PDE6C: variants seen among roughly 807,000 people sequenced by gnomAD.
PDE6C encodes the protein cone cGMP-specific 3',5'-cyclic phosphodiesterase subunit alpha'.
Under a neutral mutation model 113.1 loss-of-function variants are expected in PDE6C, and 75 were observed. The ratio of observed to expected loss-of-function variants is 0.66; its 90% CI spans 0.55 to 0.80. PDE6C has a LOEUF of 0.80. Ranked by LOEUF, PDE6C falls within the 30% of genes least tolerant of loss-of-function variation. The probability of loss-of-function intolerance (pLI) is 0.00; values close to 1 mark genes in which losing one functional copy is unlikely to be tolerated. For synonymous variants in PDE6C, 375 were observed against 363.7 expected, an observed-to-expected ratio of 1.03 and a Z score of -0.35; for missense variants, 912 against 1,038.6, an observed-to-expected ratio of 0.88 and a Z score of 1.67.
At chr10:93,657,105 T>C (rs2058641205) in intron 16 of PDE6C, among the ~76,000 whole-genome samples, 2 of 152,192 alleles carry the variant, frequency 1.3e-5, no homozygotes, top group South Asian at 4.1e-4. Context: ...CGTTGATGTG[T>C]ATTCATAATT....
intron 15 of PDE6C, among the ~76,000 whole-genome samples, chr10:93,653,301 T>C (rs2058617672): frequency 6.6e-6 from 1 of 152,140 alleles, no homozygotes; most frequent in South Asian, 2.1e-4. Flanking sequence ...ATTCAGAGAT[T>C]CTGGACTGAT....
chr10:93,659,143 C>A lies in PDE6C; in HGVS notation c.2184C>A (p.Thr728=), dbSNP rs763003486. The A allele has an allele frequency of 1.2e-6, 2 of 1,610,916 alleles. No individual in the cohort carries two copies. Among genetic ancestry groups the A allele is most frequent in the South Asian group, 1.1e-5 (1 of 90,882 alleles). ...MMTACDLSAI[T]KPWEVQSQVA... ...CGGCATGTGACTTGTCTGCTATTAC[C>A]AAGCCCTGGGAGGTGCAAAGTCAGG... The change falls in exon 18 of 22, where the codon ACC becomes ACA. Residue 728 remains threonine, a synonymous_variant. Transcript: ENST00000371447.
chr10:93,665,769 G>A lies in PDE6C; in HGVS notation c.*351G>A. On this transcript the variant is annotated 3_prime_UTR_variant, in exon 22 of 22. Transcript: ENST00000371447. The stretch of plus-strand genomic sequence containing the variant: ...GACTGGGTGCTTAACCAATAGAAAT[G>A]TATTTTCTCAAAGTCCTGGGGGCTG... 1 of 289,162 alleles carries A rather than the reference G, an allele frequency of 3.5e-6. No individual in the cohort carries two copies. Among genetic ancestry groups the A allele is most frequent in the Non-Finnish European group, 6.6e-6 (1 of 150,710 alleles). 17.9% of individuals were successfully genotyped at this position (289,162 alleles called of 1,614,324 possible).
chr10:93,663,592 A>G (rs1156427111), intron 21 of PDE6C, among the ~76,000 whole-genome samples: 1 of 152,172 alleles, frequency 6.6e-6, no homozygotes, highest in Non-Finnish European at 1.5e-5. Flanking sequence ...TGAGTTTAAT[A>G]TTCTTCTCCA....
chr10:93,654,339 T>A (rs1158022341), intron 15 of PDE6C, among the ~76,000 whole-genome samples: 2 of 152,168 alleles, frequency 1.3e-5, no homozygotes, highest in Admixed American at 6.5e-5. Context: ...GTGCAGAGAT[T>A]AGGAGCACAG....
In PDE6C at chr10:93,641,032, A is replaced by C; in HGVS notation, c.1847+3A>C. ...ACCAATAATTTGTACCAGATGAAGT[A>C]AGTGAACACATGTCCAATGTTGACA... On this transcript the variant is annotated splice_donor_region_variant and intron_variant, in intron 14 of 21. Transcript: ENST00000371447. 6.6e-7 allele frequency: 1 copy of C among 1,517,282 alleles called. No homozygotes were observed. The highest frequency in any genetic ancestry group is 9.2e-7 in the Non-Finnish European group (1 of 1,091,778). 94.0% of individuals were successfully genotyped at this position (1,517,282 alleles called of 1,614,324 possible).
Position 93,613,187 on chromosome 10 carries a change from T to G in PDE6C, c.462T>G (p.Asn154Lys), listed in dbSNP as rs149739681. The change falls in exon 1 of 22, where the codon AAT becomes AAG. Residue 154 changes from asparagine to lysine, a missense_variant. Asn to Lys is a moderately conservative substitution (Grantham distance 94). Transcript: ENST00000371447. ...CTGCTCACACGAAGAAAACTCATAA[T>G]GTCCCAGATGTGAAAAAGGTAGGTG... ...GWAAHTKKTH[N>K]VPDVKKNSHF... 1.1e-5 allele frequency: 17 copies of G among 1,613,622 alleles called. No individual in the cohort carries two copies. The highest frequency in any genetic ancestry group is 1.4e-5 in the Non-Finnish European group (17 of 1,180,016).
chr10:93,637,083 C>A lies in PDE6C; in HGVS notation c.1482+20C>A, dbSNP rs771181948. ...ATTTTGGTAAGTGTTTTCTTTCTAA[C>A]CTTAATGCCTGTTAAATAGAGGCAT... On this transcript the variant is annotated intron_variant, in intron 11 of 21. Coordinates refer to ENST00000371447, the MANE Select transcript of PDE6C (RefSeq NM_006204.4). The A allele has an allele frequency of 5.2e-6, 7 of 1,334,464 alleles. No individual in the cohort carries two copies. In the Admixed American group the frequency reaches 6.7e-5, roughly 13 times the overall value. 82.7% of individuals were successfully genotyped at this position (1,334,464 alleles called of 1,614,324 possible).
At chr10:93,646,337 A>T (rs1181897784) in intron 15 of PDE6C, among the ~76,000 whole-genome samples, 1 of 152,188 alleles carries the variant, frequency 6.6e-6, no homozygotes, top group Admixed American at 6.5e-5. Flanking sequence ...CACCCCAAGC[A>T]TATGTAAATG....
At chr10:93,626,091 C>T (rs555782035) in intron 5 of PDE6C, among the ~76,000 whole-genome samples, 2 of 152,244 alleles carry the variant, frequency 1.3e-5, no homozygotes, top group South Asian at 4.1e-4. Flanking sequence ...GGATTGTGTC[C>T]AGGCCTCAGA....
intron 15 of PDE6C, 121 bp from the exon 16 acceptor site, chr10:93,655,639 C>CAAA: frequency 1.6e-5 from 5 of 318,946 alleles, no homozygotes; most frequent in Admixed American, 5.1e-5. Flanking sequence ...GGAAGGAAAA[C>CAAA]AAAAAAAAAA....
At chr10:93,613,320 TG>T in intron 1 of PDE6C, 115 bp downstream of exon 1, 1 of 1,430,746 alleles carries the variant, frequency 7.0e-7, no homozygotes, top group Non-Finnish European at 9.6e-7. Flanking sequence ...CGGGGGAATG[TG>T]GGTGGCAGGG....
intron 14 of PDE6C, among the ~76,000 whole-genome samples, chr10:93,642,029 A>T (rs1297088043): frequency 6.6e-6 from 1 of 152,230 alleles, no homozygotes; most frequent in African/African-American, 2.4e-5. Context: ...GATCATGCAT[A>T]TAAAGCCCTC....
At chr10:93,615,789 T>C (rs2058417033) in intron 1 of PDE6C, among the ~76,000 whole-genome samples, 1 of 152,240 alleles carries the variant, frequency 6.6e-6, no homozygotes, top group African/African-American at 2.4e-5. Flanking sequence ...GAAGTGAATT[T>C]CAAATCAGCT....
chr10:93,636,922 T>C (rs2058535841), intron 10 of PDE6C, 73 bp from the exon 11 acceptor site: 3 of 831,496 alleles, frequency 3.6e-6, no homozygotes, highest in Non-Finnish European at 6.3e-6. Flanking sequence ...TAACTAAGAT[T>C]GTAATAGTAG....
At chr10:93,657,328 A>ATTTTTTTTTTTTTTTTTTTTTT in intron 16 of PDE6C, among the ~76,000 whole-genome samples, 2 of 88,286 alleles carry the variant, frequency 2.3e-5, no homozygotes, top group Non-Finnish European at 4.1e-5. Flanking sequence ...CGCCTGGCTA[A>ATTTTTTTTTTTTTTTTTTTTTT]TTTTTTTTTT....
At chr10:93,659,066 C>T (rs1564805932) in intron 17 of PDE6C, 38 bp from the exon 18 acceptor site, 1 of 1,576,608 alleles carries the variant, frequency 6.3e-7, no homozygotes, top group Admixed American at 1.7e-5. Context: ...TTATTTTGTA[C>T]TTATTTCTAT....
chr10:93,647,061 A>C (rs1303553021), intron 15 of PDE6C, among the ~76,000 whole-genome samples: 1 of 152,172 alleles, frequency 6.6e-6, no homozygotes, highest in Non-Finnish European at 1.5e-5. Flanking sequence ...CGTACTACTA[A>C]TCTTCCAGAG....
At chr10:93,651,975 C>T (rs2058611290) in intron 15 of PDE6C, among the ~76,000 whole-genome samples, 1 of 152,050 alleles carries the variant, frequency 6.6e-6, no homozygotes, top group Non-Finnish European at 1.5e-5. Context: ...TGTTTACTTA[C>T]TAAACAAACA....
Sources: allele counts gnomAD v4.1 joint callset (sites outside exome capture counted in the v4.1 genomes callset), GRCh38; gene constraint gnomAD v4.1.1; transcripts MANE v1.5; gene names NCBI Gene and HGNC (gene_info 2026-07-23, HGNC 2026-07-21).